KCNQ5: variants seen among roughly 807,000 people sequenced by gnomAD.
The protein encoded by KCNQ5 is potassium voltage-gated channel subfamily KQT member 5.
KCNQ5 carries 30 observed loss-of-function variants against 98.2 expected under a neutral mutation model. That is an observed-to-expected ratio of 0.31 (90% CI 0.23 to 0.41). KCNQ5 has a LOEUF of 0.41. Among genes scored for constraint, KCNQ5 ranks in the 10% least tolerant of loss-of-function variants. KCNQ5 has a pLI of 1.00. For synonymous variants in KCNQ5, 458 were observed against 449.4 expected, an observed-to-expected ratio of 1.02 and a Z score of -0.24; for missense variants, 835 against 1,182.5, an observed-to-expected ratio of 0.71 and a Z score of 4.31.
At chr6:72,870,541 G>A (rs538523295) in intron 1 of KCNQ5, among the ~76,000 whole-genome samples, 1 of 152,254 alleles carries the variant, frequency 6.6e-6, no homozygotes, top group Non-Finnish European at 1.5e-5. Flanking sequence ...GTGAGCCACT[G>A]CACCCAGCCG....
At chr6:73,030,355 A>G (rs997185325) in intron 2 of KCNQ5, among the ~76,000 whole-genome samples, 3 of 152,134 alleles carry the variant, frequency 2.0e-5, no homozygotes, top group Non-Finnish European at 4.4e-5. Context: ...GTTCTTTTGC[A>G]TGAGCCTAAC....
chr6:72,854,072 C>T (rs922094793), intron 1 of KCNQ5, among the ~76,000 whole-genome samples: 5 of 152,138 alleles, frequency 3.3e-5, no homozygotes, highest in Admixed American at 6.5e-5. Context: ...AATGAGGTTA[C>T]AATGACCTAA....
At chr6:73,036,415 T>C (rs1446736805) in intron 2 of KCNQ5, among the ~76,000 whole-genome samples, 1 of 133,040 alleles carries the variant, frequency 7.5e-6, no homozygotes. Context: ...AAAAAAAAGA[T>C]ATCGGACAGT....
In KCNQ5 at chr6:72,734,374, T is replaced by C. The variant is rs916948303; in HGVS notation, c.398+111787T>C. Among the ~76,000 whole-genome samples the C allele has an allele frequency of 1.9e-4, 29 of 152,046 alleles. 1 individual carries two copies. Among genetic ancestry groups the C allele is most frequent in the Admixed American group, 1.7e-3 (26 of 15,272 alleles). On this transcript the variant is annotated intron_variant, in intron 1 of 13. Coordinates refer to ENST00000370398, the MANE Select transcript of KCNQ5 (RefSeq NM_019842.4). ...TCTTGCTCTGTCTCCCAGGCTGGAG[T>C]GCAGTGGTATGATCTCGGCTCACTG...
intron 10 of KCNQ5, chr6:73,157,413 T>C: frequency 1.6e-6 from 1 of 627,898 alleles, no homozygotes; most frequent in Non-Finnish European, 2.9e-6. Flanking sequence ...CAGCGGCAGC[T>C]CTGCACAGGC....
chr6:72,672,799 A>G (rs1024951204), intron 1 of KCNQ5, among the ~76,000 whole-genome samples: 1 of 152,222 alleles, frequency 6.6e-6, no homozygotes, highest in Non-Finnish European at 1.5e-5. Flanking sequence ...TATCACTTTC[A>G]TTTCATAACT....
At chr6:73,007,121 G>A (rs937015644) in intron 2 of KCNQ5, among the ~76,000 whole-genome samples, 4 of 152,142 alleles carry the variant, frequency 2.6e-5, no homozygotes, top group African/African-American at 9.7e-5. Context: ...ATCCAGAATG[G>A]CACTGCCAAC....
chr6:72,748,229 AATAC>A (rs1771501723), intron 1 of KCNQ5, among the ~76,000 whole-genome samples: 1 of 152,018 alleles, frequency 6.6e-6, no homozygotes, highest in South Asian at 2.1e-4. Flanking sequence ...CTTAAATGCA[AATAC>A]AAAAACTAGA....
chr6:73,135,192 T>TA (rs1252636525), intron 10 of KCNQ5: 1 of 148,976 alleles, frequency 6.7e-6, no homozygotes, highest in Non-Finnish European at 1.5e-5. Context: ...AGAAAGATGA[T>TA]AACAAAAAAA....
At chr6:72,893,611 A>C (rs1438630628) in intron 1 of KCNQ5, among the ~76,000 whole-genome samples, 4 of 152,206 alleles carry the variant, frequency 2.6e-5, no homozygotes, top group African/African-American at 9.6e-5. Flanking sequence ...TGGTAAGAAA[A>C]AATGATATCC....
intron 1 of KCNQ5, among the ~76,000 whole-genome samples, chr6:72,778,451 G>T (rs1414820455): frequency 2.0e-5 from 3 of 151,672 alleles, no homozygotes; most frequent in Non-Finnish European, 4.4e-5. Flanking sequence ...GGTGGTGGGG[G>T]TCGCTTGACC....
chr6:72,940,913 T>C (rs1216635306), intron 1 of KCNQ5, among the ~76,000 whole-genome samples: 4 of 152,194 alleles, frequency 2.6e-5, no homozygotes, highest in African/African-American at 9.7e-5. Flanking sequence ...TAATTATCTG[T>C]ATGCTGTAAC....
intron 1 of KCNQ5, among the ~76,000 whole-genome samples, chr6:72,965,099 CT>C (rs1437556034): frequency 6.6e-6 from 1 of 152,106 alleles, no homozygotes; most frequent in East Asian, 1.9e-4. Flanking sequence ...CATGCTCAGC[CT>C]TTTGTGCTTT....
At chr6:73,056,370 A>G (rs1772492517) in intron 3 of KCNQ5, among the ~76,000 whole-genome samples, 1 of 151,288 alleles carries the variant, frequency 6.6e-6, no homozygotes, top group Non-Finnish European at 1.5e-5. Flanking sequence ...TCAATCCTGA[A>G]TTTAGTTTAT....
At chr6:73,193,288 G>A (rs1473694086) in intron 13 of KCNQ5, among the ~76,000 whole-genome samples, 1 of 151,534 alleles carries the variant, frequency 6.6e-6, no homozygotes, top group African/African-American at 2.4e-5. Flanking sequence ...CCAAAGTGCT[G>A]AGATTACAGG....
chr6:73,090,632 T>C (rs2150404319), intron 5 of KCNQ5, among the ~76,000 whole-genome samples: 1 of 152,310 alleles, frequency 6.6e-6, no homozygotes, highest in Non-Finnish European at 1.5e-5. Context: ...TACATATGGC[T>C]AGCCAATTAT....
intron 1 of KCNQ5, among the ~76,000 whole-genome samples, chr6:72,949,108 CA>C (rs1252449271): frequency 6.6e-6 from 1 of 152,116 alleles, no homozygotes; most frequent in East Asian, 1.9e-4. Context: ...AAAACTCAGA[CA>C]CAACATCTTT....
chr6:73,117,264 C>G (rs557756592), intron 7 of KCNQ5, among the ~76,000 whole-genome samples: 2 of 152,278 alleles, frequency 1.3e-5, no homozygotes, highest in Non-Finnish European at 2.9e-5. Flanking sequence ...CTAAGAGAGA[C>G]CTAAGAACAA....
intron 1 of KCNQ5, among the ~76,000 whole-genome samples, chr6:72,797,058 C>T (rs985033846): frequency 3.9e-5 from 6 of 152,046 alleles, no homozygotes; most frequent in East Asian, 1.9e-4. Flanking sequence ...TTAGGACAAT[C>T]GAATTACTAT....
Sources: gnomAD v4.1 joint callset for allele counts (sites outside exome capture counted in the v4.1 genomes callset) on GRCh38, gnomAD v4.1.1 for gene constraint, MANE v1.5 for transcripts, NCBI Gene and HGNC (gene_info 2026-07-23, HGNC 2026-07-21) for gene names.